Variants in MDGA2 observed in about 807,000 individuals in gnomAD.
MDGA2 encodes the protein MAM domain containing glycosylphosphatidylinositol anchor 2, also known as MAM domain-containing glycosylphosphatidylinositol anchor protein 2.
A neutral mutation model predicts 117.8 loss-of-function variants in MDGA2; 40 were observed. The observed-to-expected ratio is 0.34, with a 90% CI of 0.26 to 0.44. MDGA2 has a LOEUF of 0.44. Ranked by LOEUF, MDGA2 falls within the 20% of genes least tolerant of loss-of-function variation. MDGA2 has a pLI of 1.00. For missense variants in MDGA2, 1,123 were observed against 1,250.6 expected, an observed-to-expected ratio of 0.90 and a Z score of 1.54; for synonymous variants, 452 against 439.0, an observed-to-expected ratio of 1.03 and a Z score of -0.37.
At chr14:46,959,106 C>T (rs577836356) in intron 8 of MDGA2, among the ~76,000 whole-genome samples, 2 of 152,120 alleles carry the variant, frequency 1.3e-5, no homozygotes, top group South Asian at 4.2e-4. Context: ...AAAAATTCTC[C>T]TTGTAGTTCT....
At chr14:46,994,787 T>A (rs547091022) in intron 8 of MDGA2, among the ~76,000 whole-genome samples, 2 of 152,104 alleles carry the variant, frequency 1.3e-5, no homozygotes, top group Non-Finnish European at 1.5e-5. Context: ...AAATATTAAA[T>A]CATTAATTGT....
chr14:47,239,891 G>C (rs998583085), intron 2 of MDGA2, among the ~76,000 whole-genome samples: 1 of 151,532 alleles, frequency 6.6e-6, no homozygotes, highest in African/African-American at 2.4e-5. Flanking sequence ...TTTTTTCCCA[G>C]AGTTTAGTAG....
Position 47,096,907 on chromosome 14 carries a change from G to T in MDGA2, c.1142C>A (p.Ala381Asp). 6.2e-7 allele frequency: 1 copy of T among 1,613,122 alleles called. No individual in the cohort carries two copies. The highest frequency in any genetic ancestry group is 2.2e-5 in the East Asian group (1 of 44,856). Residue 381 changes from alanine to aspartate, a missense_variant, in exon 6 of 17, where the codon GCC becomes GAC. This residue lies in a region of MDGA2 where 890 missense variants were observed against 1,050.3 expected (regional missense o/e 0.85). Coordinates refer to ENST00000399232, the MANE Select transcript of MDGA2 (RefSeq NM_001113498.3). ...TGCAGGGTTTCCCACATTATTATTG[G>T]CAATGCAGCTGTAAGTACCAGCATC... ...SDDAGTYSCI[A>D]NNNVGNPAKK... is the part of the protein sequence containing the mutation.
intron 1 of MDGA2, among the ~76,000 whole-genome samples, chr14:47,587,989 A>G (rs1896357763): frequency 6.6e-6 from 1 of 151,686 alleles, no homozygotes. Context: ...AATGCCATTT[A>G]TGTCTGGTTT....
At chr14:47,139,600 G>A (rs1469218026) in intron 4 of MDGA2, among the ~76,000 whole-genome samples, 1 of 151,080 alleles carries the variant, frequency 6.6e-6, no homozygotes, top group Non-Finnish European at 1.5e-5. Flanking sequence ...TCAACCTAAG[G>A]AGATAAATTT....
intron 15 of MDGA2, among the ~76,000 whole-genome samples, chr14:46,851,442 G>T (rs932374029): frequency 8.6e-5 from 13 of 151,782 alleles, no homozygotes; most frequent in African/African-American, 3.1e-4. Context: ...CACTGATCAT[G>T]CTAAGTTAAT....
chr14:47,612,902 A>C (rs1896878900), intron 1 of MDGA2, among the ~76,000 whole-genome samples: 1 of 152,202 alleles, frequency 6.6e-6, no homozygotes, highest in Non-Finnish European at 1.5e-5. Context: ...AAGCTGATCA[A>C]GTTTATTAGC....
intron 1 of MDGA2, among the ~76,000 whole-genome samples, chr14:47,638,875 C>A (rs1271297165): frequency 2.0e-5 from 3 of 152,168 alleles, no homozygotes; most frequent in Non-Finnish European, 4.4e-5. Flanking sequence ...CCTCACACAA[C>A]TGGGCCCTGG....
At chr14:47,342,418 G>C (rs115731525) in intron 1 of MDGA2, among the ~76,000 whole-genome samples, 350 of 151,610 alleles carry the variant, frequency 2.3e-3, no homozygotes, top group Non-Finnish European at 4.2e-3. Flanking sequence ...GAAAACAGAG[G>C]TTCATAGCTA....
chr14:47,257,454 A>T (rs1179617587), intron 2 of MDGA2, among the ~76,000 whole-genome samples: 1 of 152,056 alleles, frequency 6.6e-6, no homozygotes, highest in Admixed American at 6.6e-5. Flanking sequence ...TTACCCCTTG[A>T]CAACTTCTTC....
rs574342664 is a variant in MDGA2 at position 47,646,774 on chromosome 14, A to C, written c.280+27743T>G. Among the ~76,000 whole-genome samples, 11 of 152,344 alleles carry C rather than the reference A, an allele frequency of 7.2e-5. No individual in the cohort carries two copies. The East Asian group carries it at 2.1e-3, about 29-fold the overall frequency. On this transcript the variant is annotated intron_variant, in intron 1 of 16. Coordinates refer to ENST00000399232, the MANE Select transcript of MDGA2 (RefSeq NM_001113498.3). Reference sequence around the variant, plus strand: ...AAATATTAGATGACAATTTAATTTTAGGGTTGAATTTTGATCAGAGCCATT... The same window carrying C: ...AAATATTAGATGACAATTTAATTTTCGGGTTGAATTTTGATCAGAGCCATT...
At chr14:46,854,743 G>A (rs1436980347) in intron 15 of MDGA2, among the ~76,000 whole-genome samples, 2 of 151,564 alleles carry the variant, frequency 1.3e-5, no homozygotes, top group African/African-American at 2.4e-5. Flanking sequence ...ATATAAGCAT[G>A]TGATTTTATA....
chr14:47,392,067 T>C (rs1891908458), intron 1 of MDGA2, among the ~76,000 whole-genome samples: 1 of 152,120 alleles, frequency 6.6e-6, no homozygotes, highest in African/African-American at 2.4e-5. Flanking sequence ...CTTATCAAAT[T>C]TTCAGAATTT....
At chr14:47,031,016 C>T (rs1274121455) in intron 8 of MDGA2, among the ~76,000 whole-genome samples, 4 of 152,064 alleles carry the variant, frequency 2.6e-5, no homozygotes, top group African/African-American at 4.8e-5. Flanking sequence ...TATCTCTAGG[C>T]TTCTGTCCCT....
intron 3 of MDGA2, among the ~76,000 whole-genome samples, chr14:47,199,020 A>G (rs1885393780): frequency 6.6e-6 from 1 of 152,026 alleles, no homozygotes; most frequent in African/African-American, 2.4e-5. Flanking sequence ...CAATATAAAA[A>G]CTCTGCCTAA....
chr14:47,061,663 G>A (rs143770751), intron 6 of MDGA2, 85 bp from the exon 7 acceptor site: 2 of 1,128,166 alleles, frequency 1.8e-6, no homozygotes, highest in Non-Finnish European at 2.5e-6. Context: ...TCTCTGAGCT[G>A]AAATAAAGTA....
chr14:46,873,514 T>A lies in MDGA2; in HGVS notation c.2671A>T (p.Ile891Leu), dbSNP rs1348971143. The A allele has an allele frequency of 1.2e-6, 2 of 1,612,666 alleles. No individual in the cohort carries two copies. The highest frequency in any genetic ancestry group is 2.2e-5 in the East Asian group (1 of 44,828). ...GGTCCATAAGGGTTTTTGGGAGCTA[T>A]GCTGAAAACAGGGCTGAGAAGTCGA... is the stretch of plus-strand genomic sequence containing the variant. ...KARLLSPVFSIAPKNPYGPTN... is the reference protein window; with the variant it reads ...KARLLSPVFSLAPKNPYGPTN... Residue 891 changes from isoleucine (I) to leucine (L), a missense_variant, in exon 14 of 17, where the codon ATA becomes TTA. This residue lies in a region of MDGA2 where 890 missense variants were observed against 1,050.3 expected (regional missense o/e 0.85). Coordinates refer to ENST00000399232, the MANE Select transcript of MDGA2 (RefSeq NM_001113498.3).
intron 1 of MDGA2, among the ~76,000 whole-genome samples, chr14:47,393,241 T>A (rs1487011277): frequency 6.6e-6 from 1 of 151,818 alleles, no homozygotes; most frequent in Non-Finnish European, 1.5e-5. Flanking sequence ...AAAGCGTTCA[T>A]TTCTTTCACA....
intron 1 of MDGA2, among the ~76,000 whole-genome samples, chr14:47,453,699 C>G (rs1290592059): frequency 6.6e-6 from 1 of 152,144 alleles, no homozygotes. Context: ...TATTAGTTAA[C>G]TAAATTTCAG....
Sources: gnomAD v4.1 joint callset for allele counts (sites outside exome capture counted in the v4.1 genomes callset) on GRCh38, gnomAD v4.1.1 for gene constraint, gnomAD v4.1.1 regional missense constraint, MANE v1.5 for transcripts, NCBI Gene and HGNC (gene_info 2026-07-23, HGNC 2026-07-21) for gene names.